The following STK32A variants were observed in gnomAD, a reference collection of about 807,000 sequenced individuals.
STK32A encodes the protein serine/threonine-protein kinase 32A.
STK32A carries 41 observed loss-of-function variants against 53.2 expected under a neutral mutation model. The ratio of observed to expected loss-of-function variants is 0.77; its 90% CI spans 0.60 to 1.00. The LOEUF (loss-of-function observed/expected upper bound fraction) is 1.00, where lower values mean the gene tolerates loss of function less well. Among genes scored for constraint, STK32A ranks in the 50% least tolerant of loss-of-function variants. The pLI, the probability that STK32A is intolerant of heterozygous loss-of-function variation, is 0.00. For missense variants in STK32A, 458 were observed against 485.8 expected (o/e 0.94, Z 0.54); for synonymous variants, 166 against 162.8 (o/e 1.02, Z -0.15).
rs76716047 is a variant in STK32A, at chr5:147,376,447, T to C, written c.1032+1229T>C. 1.0e-2 allele frequency among the ~76,000 whole-genome samples: 1,520 copies of C among 152,292 alleles called. 32 individuals carry two copies. The highest frequency in any genetic ancestry group is 0.035 in the African/African-American group (1,474 of 41,572). Reference sequence around the variant, plus strand: ...CTAGCAGAACTTGGCTCAAGGTGGATACAGGCCTCTCTGATAACAGGACCT... The same window carrying C: ...CTAGCAGAACTTGGCTCAAGGTGGACACAGGCCTCTCTGATAACAGGACCT... On this transcript the variant is annotated intron_variant, in intron 11 of 12. Coordinates refer to ENST00000397936, the MANE Select transcript of STK32A (RefSeq NM_001112724.2).
In STK32A at chr5:147,339,384, G is replaced by T. The variant is rs975003851; in HGVS notation, c.435-3622G>T. On this transcript the variant is annotated intron_variant, in intron 5 of 12. Coordinates refer to ENST00000397936, the MANE Select transcript of STK32A (RefSeq NM_001112724.2). ...TTCAGAGGATGTATGGAAATGCCTA[G>T]ATGTCCCGACAGAGTTGTGCTACAT... is the stretch of plus-strand genomic sequence containing the variant. Among the ~76,000 whole-genome samples the T allele has an allele frequency of 2.0e-5, 3 of 152,258 alleles. No homozygotes were observed. In the East Asian group the frequency reaches 5.8e-4, roughly 29 times the overall value.
chr5:147,384,244 A>G lies in STK32A; in HGVS notation c.*261A>G. 7.5e-7 allele frequency: 1 copy of G among 1,338,402 alleles called. No individual in the cohort carries two copies. The highest frequency in any genetic ancestry group is 9.7e-7 in the Non-Finnish European group (1 of 1,028,098). The allele number at this position is 1,338,402 out of a possible 1,614,324, so 82.9% of individuals were successfully genotyped here. A position where few individuals can be genotyped will look rare whatever the true frequency, so the allele number is the denominator to read the frequency against. On this transcript the variant is annotated 3_prime_UTR_variant, in exon 13 of 13. Coordinates refer to ENST00000397936, the MANE Select transcript of STK32A (RefSeq NM_001112724.2). ...TGCTTTACTTTATTTATCTAAAATGAGAGGGTTATACTAGACGAGCCATAC... is the reference window on the plus strand; with the variant it reads ...TGCTTTACTTTATTTATCTAAAATGGGAGGGTTATACTAGACGAGCCATAC...
chr5:147,257,112 G>C (rs1230079335), intron 2 of STK32A, among the ~76,000 whole-genome samples: 2 of 152,098 alleles, frequency 1.3e-5, no homozygotes, highest in Admixed American at 6.5e-5. Flanking sequence ...GCTGACAGCT[G>C]GGGGGAGGGC....
chr5:147,264,439 T>C (rs781305399), intron 2 of STK32A, among the ~76,000 whole-genome samples: 9 of 152,190 alleles, frequency 5.9e-5, no homozygotes, highest in Non-Finnish European at 1.2e-4. Flanking sequence ...GGTTTGGGAT[T>C]GGATTGGGAA....
At chr5:147,263,691 T>A (rs1339210455) in intron 2 of STK32A, among the ~76,000 whole-genome samples, 2 of 151,826 alleles carry the variant, frequency 1.3e-5, no homozygotes, top group African/African-American at 2.4e-5. Flanking sequence ...AACAAAGATA[T>A]AAAATAAGGG....
intron 2 of STK32A, among the ~76,000 whole-genome samples, chr5:147,250,324 C>T (rs10515578): frequency 0.24 from 36,956 of 151,944 alleles, 4,535 homozygotes; most frequent in Admixed American, 0.3. Context: ...CAGAAAGACA[C>T]GGGTATTAAT....
chr5:147,255,043 G>A (rs1754167233), intron 2 of STK32A, among the ~76,000 whole-genome samples: 1 of 152,200 alleles, frequency 6.6e-6, no homozygotes, highest in African/African-American at 2.4e-5. Context: ...AGGAGGCTGA[G>A]GCGGGAGAAT....
intron 2 of STK32A, among the ~76,000 whole-genome samples, chr5:147,253,901 TG>T (rs1409163850): frequency 6.6e-6 from 1 of 152,216 alleles, no homozygotes; most frequent in African/African-American, 2.4e-5. Context: ...TTTCAATGGC[TG>T]GCAGATTCAG....
At chr5:147,382,824 G>A (rs1162802968) in intron 11 of STK32A, 1 of 152,242 alleles carries the variant, frequency 6.6e-6, no homozygotes, top group Non-Finnish European at 1.5e-5. Flanking sequence ...AGGGTGAAAA[G>A]GTGCTGGCCC....
chr5:147,346,753 T>C (rs745656336), intron 6 of STK32A, among the ~76,000 whole-genome samples: 31 of 152,210 alleles, frequency 2.0e-4, no homozygotes, highest in Admixed American at 2.0e-3. Flanking sequence ...AATTCTTGTA[T>C]TTTTCTTATT....
chr5:147,382,674 C>T (rs1408483341), intron 11 of STK32A, among the ~76,000 whole-genome samples: 1 of 152,042 alleles, frequency 6.6e-6, no homozygotes, highest in Non-Finnish European at 1.5e-5. Context: ...AACATAAGAT[C>T]TTCTTAGGTC....
chr5:147,319,741 C>T (rs1754205521), intron 4 of STK32A, among the ~76,000 whole-genome samples: 1 of 152,176 alleles, frequency 6.6e-6, no homozygotes, highest in Non-Finnish European at 1.5e-5. Flanking sequence ...AGGGCTAATG[C>T]TTCACCTAAG....
chr5:147,278,171 T>G lies in STK32A; in HGVS notation c.100T>G (p.Phe34Val). ...TTTGCGAGCCATTGGGAAAGGCAGT[T>G]TTGGGAAGGTGAGAACAAATTGAAA... The part of the protein sequence containing the change: ...EILRAIGKGS[F>V]GKVCIVQKND... The change falls in exon 3 of 13, where the codon TTT becomes GTT. Residue 34 changes from phenylalanine to valine, a missense_variant. Transcript: ENST00000397936. The G allele has an allele frequency of 6.3e-7, 1 of 1,599,288 alleles. No homozygotes were observed. The highest frequency in any genetic ancestry group is 1.3e-5 in the African/African-American group (1 of 74,876).
the STK32A span, chr5:147,401,483 G>C: frequency 1.3e-6 from 2 of 1,534,124 alleles, no homozygotes; most frequent in East Asian, 2.3e-5. Context: ...TCAACCCCCA[G>C]CTGGACTCAA....
At chr5:147,348,577 A>G (rs1479460748) in intron 6 of STK32A, 1 of 698,886 alleles carries the variant, frequency 1.4e-6, no homozygotes, top group Non-Finnish European at 2.7e-6. Flanking sequence ...CCACTTCTAC[A>G]TGAGCATACA....
chr5:147,247,077 C>T (rs1753793233), intron 2 of STK32A, among the ~76,000 whole-genome samples: 1 of 152,188 alleles, frequency 6.6e-6, no homozygotes, highest in African/African-American at 2.4e-5. Flanking sequence ...CTTGCAACTA[C>T]CTAGGTTGAA....
intron 4 of STK32A, among the ~76,000 whole-genome samples, chr5:147,280,807 G>T (rs762096373): frequency 1.3e-5 from 2 of 152,108 alleles, no homozygotes; most frequent in Non-Finnish European, 2.9e-5. Flanking sequence ...CTCTGGAAAA[G>T]CACCACCTCC....
intron 2 of STK32A, among the ~76,000 whole-genome samples, chr5:147,245,336 G>A (rs1434457361): frequency 6.6e-6 from 1 of 152,158 alleles, no homozygotes; most frequent in Non-Finnish European, 1.5e-5. Context: ...AATTAATGAT[G>A]CAGAAAACCA....
chr5:147,379,296 A>G (rs1361299496), intron 11 of STK32A, among the ~76,000 whole-genome samples: 2 of 151,856 alleles, frequency 1.3e-5, no homozygotes, highest in African/African-American at 4.8e-5. Flanking sequence ...CAGTATTTTA[A>G]AAACTTACTT....
Sources: gnomAD v4.1 joint callset for allele counts (sites outside exome capture counted in the v4.1 genomes callset) on GRCh38, gnomAD v4.1.1 for gene constraint, MANE v1.5 for transcripts, NCBI Gene and HGNC (gene_info 2026-07-23, HGNC 2026-07-21) for gene names.